The following CCDC66 variants were observed in gnomAD, a reference collection of about 807,000 sequenced individuals.
CCDC66 encodes coiled-coil domain containing 66, also known as coiled-coil domain-containing protein 66.
In CCDC66, 133 loss-of-function variants were observed where a neutral mutation model predicts 128.3. That is an observed-to-expected ratio of 1.04 (90% confidence interval 0.90 to 1.20). The LOEUF (loss-of-function observed/expected upper bound fraction) is 1.20. CCDC66 is among the 50% of genes most tolerant of loss of function. The probability of loss-of-function intolerance (pLI) is 0.00; values close to 1 mark genes in which losing one functional copy is unlikely to be tolerated. For synonymous variants in CCDC66, 387 were observed against 357.0 expected, an observed-to-expected ratio of 1.08 and a Z score of -0.95; for missense variants, 1,126 against 1,075.5, an observed-to-expected ratio of 1.05 and a Z score of -0.66.
chr3:56,557,228 G>C lies in CCDC66; in HGVS notation c.-15G>C, dbSNP rs2064411725. 6.5e-7 allele frequency: 1 copy of C among 1,549,322 alleles called. No homozygotes were observed. The highest frequency in any genetic ancestry group is 1.2e-5 in the South Asian group (1 of 83,940). ...GGGGCTTGAGCGTTCTGTGGAGAGA[G>C]TGCGAGGTCAGGCCATGAACTTGGG... On this transcript the variant is annotated 5_prime_UTR_variant, in exon 1 of 18. Coordinates refer to ENST00000394672, the MANE Select transcript of CCDC66 (RefSeq NM_001141947.3).
intron 3 of CCDC66, among the ~76,000 whole-genome samples, chr3:56,560,701 CAG>C (rs765541406): frequency 1.3e-5 from 2 of 152,154 alleles, no homozygotes; most frequent in Non-Finnish European, 2.9e-5. Context: ...GCCTGGGGGA[CAG>C]AGCGAAATTC....
chr3:56,621,002 G>GTTAGTTAGTTAGTTAGTTAT, intron 17 of CCDC66: 1 of 150,850 alleles, frequency 6.6e-6, no homozygotes, highest in Admixed American at 6.6e-5. Context: ...AATACAAAAA[G>GTTAGTTAGTTAGTTAGTTAT]TTAGTTAGTT....
chr3:56,557,253 G>GGTAAGCAGGC lies in CCDC66; in HGVS notation c.11+9_11+10insCGTAAGCAGG, dbSNP rs773776177. The GGTAAGCAGGC allele has an allele frequency of 6.5e-7, 1 of 1,548,216 alleles. No homozygotes were observed. The highest frequency in any genetic ancestry group is 1.2e-5 in the South Asian group (1 of 83,930). ...GTGCGAGGTCAGGCCATGAACTTGG[G>GGTAAGCAGGC]GTAAGCAGGGGTAAGCTGGGGTAAG... On this transcript the variant is annotated stop_gained and frameshift_variant and splice_region_variant. Transcript: ENST00000394672. LOFTEE classifies it high-confidence loss of function.
At chr3:56,582,481 C>G (rs558179203) in intron 7 of CCDC66, among the ~76,000 whole-genome samples, 3 of 151,838 alleles carry the variant, frequency 2.0e-5, no homozygotes, top group African/African-American at 4.8e-5. Context: ...GCATTGCTCA[C>G]GCTGGAAGCT....
At chr3:56,616,976 G>C in intron 13 of CCDC66, 136 bp from the exon 14 acceptor site, 1 of 678,552 alleles carries the variant, frequency 1.5e-6, no homozygotes, top group Non-Finnish European at 2.4e-6. Flanking sequence ...AATGAGTATA[G>C]AGGTTCGGTT....
At chr3:56,559,746 C>G (rs990315348) in intron 3 of CCDC66, among the ~76,000 whole-genome samples, 152 bp downstream of exon 3, 1 of 152,126 alleles carries the variant, frequency 6.6e-6, no homozygotes, top group African/African-American at 2.4e-5. Context: ...TCAGATTGGT[C>G]CTTTCACAGA....
chr3:56,581,475 G>A (rs1044896656), intron 7 of CCDC66, among the ~76,000 whole-genome samples: 5 of 151,828 alleles, frequency 3.3e-5, no homozygotes, highest in African/African-American at 1.2e-4. Context: ...TGTTCCTTTG[G>A]AGGAGAAGAG....
chr3:56,597,341 C>T (rs1045621011), intron 10 of CCDC66, among the ~76,000 whole-genome samples: 1 of 152,002 alleles, frequency 6.6e-6, no homozygotes, highest in African/African-American at 2.4e-5. Flanking sequence ...GTGATGCCTT[C>T]AGCTTTGTTC....
chr3:56,620,869 T>G (rs2076400477), intron 17 of CCDC66: 1 of 152,654 alleles, frequency 6.6e-6, no homozygotes, highest in Non-Finnish European at 1.5e-5. Flanking sequence ...ATACTGGATG[T>G]TGGCCAGGAG....
chr3:56,595,173 T>C (rs887403458), intron 10 of CCDC66, among the ~76,000 whole-genome samples: 1 of 152,232 alleles, frequency 6.6e-6, no homozygotes, highest in African/African-American at 2.4e-5. Flanking sequence ...TTGTTATATA[T>C]GTAGAATGCG....
Position 56,617,444 on chromosome 3 carries a change from CAG to C in CCDC66, c.2182_2183del (p.Glu728ArgfsTer18). On this transcript the variant is annotated frameshift_variant, in exon 14 of 18. Coordinates refer to ENST00000394672, the MANE Select transcript of CCDC66 (RefSeq NM_001141947.3). LOFTEE classifies it high-confidence loss of function. ...AAAGTACCCTAAACAGCTTCAAAAGCAGAGAGAAGAAAAAAAAGTAAGGAGGC... is the reference window on the plus strand; with the variant it reads ...AAAGTACCCTAAACAGCTTCAAAAGCAGAGAAGAAAAAAAAGTAAGGAGGC... ...SEKYPKQLQK[Q>X]REEKKVRRQM... 6.2e-7 allele frequency: 1 copy of C among 1,613,678 alleles called. No individual in the cohort carries two copies. The highest frequency in any genetic ancestry group is 8.5e-7 in the Non-Finnish European group (1 of 1,179,890).
intron 10 of CCDC66, among the ~76,000 whole-genome samples, chr3:56,610,380 A>C (rs2074626990): frequency 6.6e-6 from 1 of 152,108 alleles, no homozygotes; most frequent in African/African-American, 2.4e-5. Context: ...TTACCAGAGC[A>C]TTTCACATTT....
In CCDC66 at chr3:56,617,547, T is replaced by A; in HGVS notation, c.2279T>A (p.Ile760Asn). The change falls in exon 14 of 18, where the codon ATT becomes AAT. Residue 760 changes from isoleucine (I) to asparagine (N), a missense_variant. By Grantham distance (149) the Ile-to-Asn change is moderately radical. Coordinates refer to ENST00000394672, the MANE Select transcript of CCDC66 (RefSeq NM_001141947.3). ...CAAAACAGAGGCATTTCACCAGAAATTTTTCATTCATCTCATCAAGAAACG... is the reference window on the plus strand; with the variant it reads ...CAAAACAGAGGCATTTCACCAGAAAATTTTCATTCATCTCATCAAGAAACG... ...LSQNRGISPEIFHSSHQETES... is the reference protein window; with the variant it reads ...LSQNRGISPENFHSSHQETES... 6.2e-7 allele frequency: 1 copy of A among 1,609,966 alleles called. No individual in the cohort carries two copies. The highest frequency in any genetic ancestry group is 1.1e-5 in the South Asian group (1 of 89,788).
intron 7 of CCDC66, among the ~76,000 whole-genome samples, chr3:56,582,448 A>G (rs1469046192): frequency 6.6e-6 from 1 of 151,824 alleles, no homozygotes; most frequent in South Asian, 2.1e-4. Context: ...CTCAGTTGGA[A>G]ATGCAGAAAT....
chr3:56,565,867 C>T (rs1344059865), intron 4 of CCDC66, among the ~76,000 whole-genome samples: 4 of 152,028 alleles, frequency 2.6e-5, no homozygotes, highest in East Asian at 1.9e-4. Flanking sequence ...GGGGTTTCAC[C>T]GTGTTCGCCA....
intron 7 of CCDC66, among the ~76,000 whole-genome samples, chr3:56,578,835 C>T (rs908159395): frequency 3.3e-5 from 5 of 151,854 alleles, no homozygotes; most frequent in Non-Finnish European, 7.3e-5. Flanking sequence ...AGGATTTCTG[C>T]ATCGATGTTC....
chr3:56,619,406 TG>T lies in CCDC66; in HGVS notation c.2517del (p.Ile840PhefsTer63). On this transcript the variant is annotated frameshift_variant, in exon 16 of 18. Transcript: ENST00000394672. LOFTEE classifies it high-confidence loss of function. Reference protein sequence around the residue: ...SGSNQTELSSGISESSHFIPY... With the variant: ...SGSNQTELSSXISESSHFIPY... ...GAAGTAATCAAACAGAATTATCATC[TG>T]GGATTTCTGAATCATCCCATTTTAT... is the stretch of plus-strand genomic sequence containing the variant. 1 of 1,614,132 alleles carries T rather than the reference TG, an allele frequency of 6.2e-7. No homozygotes were observed. The highest frequency in any genetic ancestry group is 8.5e-7 in the Non-Finnish European group (1 of 1,179,988).
intron 6 of CCDC66, among the ~76,000 whole-genome samples, chr3:56,568,141 C>T (rs1007418591): frequency 2.6e-5 from 4 of 152,148 alleles, no homozygotes; most frequent in East Asian, 1.9e-4. Context: ...AGCCTGGCTG[C>T]GTCATTGCAG....
At chr3:56,588,567 G>A (rs925596867) in intron 7 of CCDC66, among the ~76,000 whole-genome samples, 1 of 152,088 alleles carries the variant, frequency 6.6e-6, no homozygotes, top group Non-Finnish European at 1.5e-5. Context: ...AGAACTTATC[G>A]CAATGATAGC....
Sources: gnomAD v4.1 joint callset for allele counts (sites outside exome capture counted in the v4.1 genomes callset) on GRCh38, gnomAD v4.1.1 for gene constraint, MANE v1.5 for transcripts, NCBI Gene and HGNC (gene_info 2026-07-23, HGNC 2026-07-21) for gene names.